Variants in CERS6 observed in about 807,000 individuals in gnomAD.
CERS6 encodes the protein LAG1 homolog, ceramide synthase 6.
CERS6 carries 26 observed loss-of-function variants against 56.8 expected under a neutral mutation model. That is an observed-to-expected ratio of 0.46 (90% confidence interval 0.34 to 0.63). The LOEUF is 0.63. Among genes scored for constraint, CERS6 ranks in the 30% least tolerant of loss-of-function variants. CERS6 has a pLI of 0.01. For missense variants in CERS6, 415 were observed against 467.5 expected (o/e 0.89, Z 1.04); for synonymous variants, 164 against 173.3 (o/e 0.95, Z 0.42).
intron 4 of CERS6, among the ~76,000 whole-genome samples, chr2:168,638,121 C>T (rs75696288): frequency 0.017 from 2,621 of 152,036 alleles, 103 homozygotes; most frequent in East Asian, 0.16. Context: ...CTTTATTTAT[C>T]TGCTACTTTC....
At chr2:168,535,964 G>T (rs1001389653) in intron 1 of CERS6, among the ~76,000 whole-genome samples, 1 of 151,412 alleles carries the variant, frequency 6.6e-6, no homozygotes, top group Non-Finnish European at 1.5e-5. Context: ...CCTACTTAAC[G>T]TCTTTTGCCC....
chr2:168,555,611 A>G (rs980473637), intron 2 of CERS6, among the ~76,000 whole-genome samples: 9 of 152,050 alleles, frequency 5.9e-5, no homozygotes, highest in Non-Finnish European at 1.2e-4. Context: ...AAAAGCAAGC[A>G]CAAATAAACG....
At chr2:168,666,410 A>G (rs1485006305) in intron 4 of CERS6, among the ~76,000 whole-genome samples, 2 of 152,176 alleles carry the variant, frequency 1.3e-5, no homozygotes, top group Admixed American at 1.3e-4. Flanking sequence ...GAATCATACA[A>G]TATGTAGACT....
chr2:168,711,561 C>G (rs1194645588), intron 6 of CERS6, among the ~76,000 whole-genome samples: 3 of 151,828 alleles, frequency 2.0e-5, no homozygotes, highest in Non-Finnish European at 2.9e-5. Flanking sequence ...TGGTGAAACC[C>G]CGTCTCAACC....
At chr2:168,497,492 A>C (rs76883721) in intron 1 of CERS6, among the ~76,000 whole-genome samples, 1 of 152,348 alleles carries the variant, frequency 6.6e-6, no homozygotes, top group East Asian at 1.9e-4. Context: ...GTGAGCTTGC[A>C]TGTAGGTGGT....
At chr2:168,468,101 GAC>G (rs1693914724) in intron 1 of CERS6, among the ~76,000 whole-genome samples, 1 of 152,096 alleles carries the variant, frequency 6.6e-6, no homozygotes, top group Non-Finnish European at 1.5e-5. Context: ...GTATACTGGG[GAC>G]CTGTGGAAAA....
Position 168,456,345 on chromosome 2 carries a change from G to A in CERS6, c.-104G>A, listed in dbSNP as rs1306404862. On this transcript the variant is annotated 5_prime_UTR_variant, in exon 1 of 10. Coordinates refer to ENST00000305747, the MANE Select transcript of CERS6 (RefSeq NM_203463.3). This position sits in a 1 kb window ranked among gnomAD's most constrained non-coding sequence, Gnocchi z 4.1. ...GCGGCGGGCGGGAGCAGCGGCGGCG[G>A]CGGCACAGGCTCGGGGCCAGCCGGG... 3 of 753,044 alleles carry A rather than the reference G, an allele frequency of 4.0e-6. No homozygotes were observed. The highest frequency in any genetic ancestry group is 5.3e-6 in the Non-Finnish European group (3 of 565,182). The allele number at this position is 753,044 out of a possible 1,614,324, so 46.6% of individuals were successfully genotyped here. A position where few individuals can be genotyped will look rare whatever the true frequency, so the allele number is the denominator to read the frequency against.
intron 8 of CERS6, among the ~76,000 whole-genome samples, chr2:168,747,122 T>C (rs961358962): frequency 6.6e-6 from 1 of 151,738 alleles, no homozygotes; most frequent in Non-Finnish European, 1.5e-5. Context: ...CTATTAAAAA[T>C]AAAAGTTAAA....
chr2:168,478,047 C>T (rs1488081883), intron 1 of CERS6, among the ~76,000 whole-genome samples: 1 of 151,528 alleles, frequency 6.6e-6, no homozygotes, highest in Non-Finnish European at 1.5e-5. Context: ...GATATTTTTC[C>T]CTGGCTGAAG....
intron 2 of CERS6, among the ~76,000 whole-genome samples, chr2:168,550,614 G>A (rs1695549471): frequency 6.6e-6 from 1 of 152,206 alleles, no homozygotes; most frequent in Non-Finnish European, 1.5e-5. Context: ...CAGCTGCCAG[G>A]TTTCCCTTTT....
intron 8 of CERS6, among the ~76,000 whole-genome samples, chr2:168,743,293 G>C (rs888975247): frequency 1.3e-5 from 2 of 151,862 alleles, no homozygotes; most frequent in Non-Finnish European, 2.9e-5. Flanking sequence ...TGATAGAAGA[G>C]GCAGCTTGAG....
intron 3 of CERS6, among the ~76,000 whole-genome samples, chr2:168,604,624 G>A (rs1173192363): frequency 2.2e-4 from 34 of 152,126 alleles, no homozygotes; most frequent in Admixed American, 2.2e-3. Flanking sequence ...TCCCTCCTTG[G>A]TACTGTCATT....
chr2:168,583,705 G>C (rs1176663873), intron 3 of CERS6, among the ~76,000 whole-genome samples: 2 of 152,196 alleles, frequency 1.3e-5, no homozygotes, highest in African/African-American at 4.8e-5. Flanking sequence ...GGAGTTTGTA[G>C]TTAGTTGAAA....
chr2:168,647,727 T>G (rs1685240373), intron 4 of CERS6, among the ~76,000 whole-genome samples: 1 of 152,186 alleles, frequency 6.6e-6, no homozygotes, highest in Admixed American at 6.6e-5. Context: ...ATGAAGGGTG[T>G]TGAATATTAT....
chr2:168,744,257 G>C (rs939465525), intron 8 of CERS6, among the ~76,000 whole-genome samples: 1 of 151,892 alleles, frequency 6.6e-6, no homozygotes, highest in African/African-American at 2.4e-5. Flanking sequence ...CGCCCACCTC[G>C]GCCTCCCAAA....
At chr2:168,583,963 T>A (rs1354382592) in intron 3 of CERS6, among the ~76,000 whole-genome samples, 1 of 152,210 alleles carries the variant, frequency 6.6e-6, no homozygotes, top group East Asian at 1.9e-4. Context: ...TACTGAATAC[T>A]TAGAATGTAC....
intron 4 of CERS6, among the ~76,000 whole-genome samples, chr2:168,631,831 T>C (rs978172849): frequency 3.6e-4 from 47 of 131,672 alleles, no homozygotes; most frequent in African/African-American, 1.2e-3. Context: ...TATTATATAA[T>C]ATATATTATA....
chr2:168,713,571 A>AG (rs1687150000), intron 6 of CERS6, among the ~76,000 whole-genome samples: 1 of 152,208 alleles, frequency 6.6e-6, no homozygotes, highest in African/African-American at 2.4e-5. Context: ...TCAGAAAAAA[A>AG]CAATCTTCAC....
At chr2:168,761,022 G>C (rs1216060791) in intron 8 of CERS6, among the ~76,000 whole-genome samples, 2 of 152,176 alleles carry the variant, frequency 1.3e-5, no homozygotes, top group Non-Finnish European at 2.9e-5. Context: ...CTCCCAAAGT[G>C]CTGGGATTAT....
Sources: gnomAD v4.1 joint callset for allele counts (sites outside exome capture counted in the v4.1 genomes callset) on GRCh38, gnomAD v4.1.1 for gene constraint, Gnocchi (gnomAD v3.1) non-coding constraint, MANE v1.5 for transcripts, NCBI Gene and HGNC (gene_info 2026-07-23, HGNC 2026-07-21) for gene names.